The following CTDSPL variants were observed in gnomAD, a reference collection of about 807,000 sequenced individuals.
CTDSPL encodes the protein CTD small phosphatase-like protein.
In CTDSPL, 8 loss-of-function variants were observed where a neutral mutation model predicts 30.5. The observed-to-expected ratio is 0.26, with a 90% CI of 0.15 to 0.47. CTDSPL has a LOEUF of 0.47. Ranked by LOEUF, CTDSPL falls within the 20% of genes least tolerant of loss-of-function variation. The pLI, the probability that CTDSPL is intolerant of heterozygous loss-of-function variation, is 0.99. For missense variants in CTDSPL, 248 were observed against 366.1 expected (o/e 0.68, Z 2.63); for synonymous variants, 110 against 137.9 (o/e 0.80, Z 1.42).
At position 37,945,021 on chromosome 3, in the gene CTDSPL, C is replaced by T. The variant is rs750446346; in HGVS notation, c.80-2036C>T. 2.3e-4 allele frequency among the ~76,000 whole-genome samples: 34 copies of T among 150,106 alleles called. 1 individual carries two copies. Among genetic ancestry groups the T allele is most frequent in the Non-Finnish European group, 4.5e-4 (30 of 67,000 alleles). The stretch of plus-strand genomic sequence containing the variant: ...TAGTTATGGGGAAAGTTCGTGTGAT[C>T]CAAGGATGAAAATAGGACCTGGGAA... On this transcript the variant is annotated intron_variant, in intron 1 of 7. Transcript: ENST00000273179.
At chr3:37,886,151 CA>C (rs1467923900) in intron 1 of CTDSPL, among the ~76,000 whole-genome samples, 6 of 152,158 alleles carry the variant, frequency 3.9e-5, no homozygotes, top group African/African-American at 1.4e-4. Context: ...CTTGGGCTGC[CA>C]AAGTCATCTT....
chr3:37,980,340 C>T (rs1339270675), intron 7 of CTDSPL, among the ~76,000 whole-genome samples: 9 of 152,214 alleles, frequency 5.9e-5, no homozygotes, highest in East Asian at 1.9e-4. Flanking sequence ...GTGAGCTCCG[C>T]GCTGTCAGTG....
In CTDSPL at chr3:37,984,121, C is replaced by G. The variant is rs1323121856; in HGVS notation, c.*3254C>G. ...TAAAGGTGCTGTGCTGGACAGTTGG[C>G]ATGCCAGGGTTCGAGAAGAGTGAAT... On this transcript the variant is annotated 3_prime_UTR_variant, in exon 8 of 8. Coordinates refer to ENST00000273179, the MANE Select transcript of CTDSPL (RefSeq NM_001008392.2). 1 of 444,182 alleles carries G rather than the reference C, an allele frequency of 2.3e-6. No individual in the cohort carries two copies. Among genetic ancestry groups the G allele is most frequent in the East Asian group, 7.1e-5 (1 of 14,128 alleles). 27.5% of individuals were successfully genotyped at this position (444,182 alleles called of 1,614,324 possible).
intron 1 of CTDSPL, among the ~76,000 whole-genome samples, chr3:37,924,238 T>G (rs748579591): frequency 3.3e-5 from 5 of 152,260 alleles, no homozygotes; most frequent in Admixed American, 6.5e-5. Context: ...CCTGTTTATA[T>G]GATGAAAATA....
chr3:37,865,094 A>G (rs2125585955), intron 1 of CTDSPL, among the ~76,000 whole-genome samples: 1 of 152,348 alleles, frequency 6.6e-6, no homozygotes, highest in East Asian at 1.9e-4. Context: ...ACACATTGCC[A>G]CGTGGTGGTG....
chr3:37,942,255 C>T (rs1218142348), intron 1 of CTDSPL, among the ~76,000 whole-genome samples: 2 of 150,470 alleles, frequency 1.3e-5, no homozygotes, highest in East Asian at 1.9e-4. Context: ...AAAAAATGTA[C>T]GCCCGCAGAA....
intron 4 of CTDSPL, among the ~76,000 whole-genome samples, chr3:37,966,712 GTTTTGTT>G (rs964986545): frequency 1.1e-3 from 162 of 152,142 alleles, no homozygotes; most frequent in African/African-American, 3.2e-3. Flanking sequence ...ATGTTTTTTT[GTTTTGTT>G]TTTTGTTTTT....
intron 1 of CTDSPL, among the ~76,000 whole-genome samples, chr3:37,867,919 G>A (rs915643872): frequency 3.9e-5 from 6 of 151,956 alleles, no homozygotes; most frequent in African/African-American, 1.2e-4. Context: ...TACAGAACTC[G>A]TTTGTCACCA....
At chr3:37,872,033 C>G (rs1340493061) in intron 1 of CTDSPL, among the ~76,000 whole-genome samples, 2 of 152,178 alleles carry the variant, frequency 1.3e-5, no homozygotes, top group African/African-American at 4.8e-5. Context: ...CTCACCCAGG[C>G]TAGAGCGGAG....
chr3:37,881,863 T>A (rs866347037), intron 1 of CTDSPL, among the ~76,000 whole-genome samples: 26 of 152,294 alleles, frequency 1.7e-4, no homozygotes, highest in Middle Eastern at 6.8e-3. Flanking sequence ...CAGGAAGGGG[T>A]ACACAGGGAG....
At chr3:37,967,935 A>G in intron 5 of CTDSPL, 53 bp downstream of exon 5, 1 of 1,190,586 alleles carries the variant, frequency 8.4e-7, no homozygotes, top group Non-Finnish European at 1.2e-6. Context: ...TAGTACTTAC[A>G]TTTCCTATGA....
intron 1 of CTDSPL, among the ~76,000 whole-genome samples, chr3:37,938,886 G>T (rs1349942183): frequency 1.3e-5 from 2 of 149,612 alleles, no homozygotes; most frequent in African/African-American, 4.9e-5. Context: ...TTTAATATGA[G>T]ATTTCATAGA....
intron 1 of CTDSPL, among the ~76,000 whole-genome samples, chr3:37,886,164 C>G (rs1268434106): frequency 6.6e-6 from 1 of 152,164 alleles, no homozygotes; most frequent in East Asian, 1.9e-4. Context: ...AGTCATCTTC[C>G]CAAAACATGA....
At chr3:37,882,158 A>G (rs918943108) in intron 1 of CTDSPL, among the ~76,000 whole-genome samples, 1 of 151,840 alleles carries the variant, frequency 6.6e-6, no homozygotes, top group Non-Finnish European at 1.5e-5. Flanking sequence ...AAATACAAAT[A>G]TTGGCTGGGC....
chr3:37,967,179 G>A (rs1204068982), intron 4 of CTDSPL, among the ~76,000 whole-genome samples: 1 of 152,196 alleles, frequency 6.6e-6, no homozygotes, highest in African/African-American at 2.4e-5. Flanking sequence ...TACCTGGGAG[G>A]GCCTGAAATC....
intron 1 of CTDSPL, among the ~76,000 whole-genome samples, chr3:37,868,329 T>C (rs1023761490): frequency 2.0e-5 from 3 of 152,094 alleles, no homozygotes; most frequent in African/African-American, 4.8e-5. Flanking sequence ...TTTTCAGATA[T>C]GTGGTTTGCA....
intron 1 of CTDSPL, among the ~76,000 whole-genome samples, chr3:37,908,220 C>T (rs1044285176): frequency 1.3e-5 from 2 of 152,224 alleles, no homozygotes; most frequent in African/African-American, 4.8e-5. Context: ...ACCTGGTAGC[C>T]CCCGCCAAGT....
chr3:37,943,658 G>T lies in CTDSPL; in HGVS notation c.80-3399G>T, dbSNP rs1269175220. Among the ~76,000 whole-genome samples the T allele has an allele frequency of 2.0e-5, 3 of 150,166 alleles. 1 individual carries two copies. The highest frequency in any genetic ancestry group is 7.3e-5 in the African/African-American group (3 of 41,264). The stretch of plus-strand genomic sequence containing the variant: ...TTCAACTATCTTTAATATCCTAAAA[G>T]ACCTTGTTCTTGGATACCTGGGCCA... On this transcript the variant is annotated intron_variant, in intron 1 of 7. Coordinates refer to ENST00000273179, the MANE Select transcript of CTDSPL (RefSeq NM_001008392.2).
chr3:37,937,436 GCTC>G (rs1383860578), intron 1 of CTDSPL, among the ~76,000 whole-genome samples: 1 of 150,148 alleles, frequency 6.7e-6, no homozygotes, highest in Non-Finnish European at 1.5e-5. Context: ...ATAAAGAAAG[GCTC>G]CTCCTCACGT....
Sources: gnomAD v4.1 joint callset for allele counts (sites outside exome capture counted in the v4.1 genomes callset) on GRCh38, gnomAD v4.1.1 for gene constraint, MANE v1.5 for transcripts, NCBI Gene and HGNC (gene_info 2026-07-23, HGNC 2026-07-21) for gene names.